Variants in DLG1 observed in about 807,000 individuals in gnomAD.
DLG1 encodes disks large homolog 1.
A neutral mutation model predicts 123.4 loss-of-function variants in DLG1; 42 were observed. The ratio of observed to expected loss-of-function variants is 0.34; its 90% CI spans 0.27 to 0.44. The LOEUF (loss-of-function observed/expected upper bound fraction) is 0.44. Ranked by LOEUF, DLG1 falls within the 20% of genes least tolerant of loss-of-function variation. The pLI is 1.00. For missense variants in DLG1, 942 were observed against 1,082.6 expected, an observed-to-expected ratio of 0.87 and a Z score of 1.82; for synonymous variants, 317 against 356.2, an observed-to-expected ratio of 0.89 and a Z score of 1.24.
At chr3:197,092,574 C>T (rs1167921697) in intron 14 of DLG1, among the ~76,000 whole-genome samples, 2 of 152,110 alleles carry the variant, frequency 1.3e-5, no homozygotes, top group Non-Finnish European at 2.9e-5. Context: ...AAGCATAGTT[C>T]ACTGCAGGCT....
chr3:197,127,318 G>C (rs1779622353), intron 11 of DLG1, among the ~76,000 whole-genome samples: 1 of 148,748 alleles, frequency 6.7e-6, no homozygotes, highest in South Asian at 2.1e-4. Context: ...TGCTACTAGG[G>C]GGGCTGAGGC....
chr3:197,120,523 A>G (rs1294497169), intron 11 of DLG1, among the ~76,000 whole-genome samples: 2 of 152,232 alleles, frequency 1.3e-5, no homozygotes, highest in Non-Finnish European at 2.9e-5. Flanking sequence ...GGCTTCAACT[A>G]TGATAAAGTT....
chr3:197,152,929 C>T (rs183806741), intron 5 of DLG1, among the ~76,000 whole-genome samples: 6 of 152,130 alleles, frequency 3.9e-5, no homozygotes, highest in East Asian at 1.9e-4. Context: ...TTTTAAAAAT[C>T]GTGTTAAAAT....
intron 4 of DLG1, among the ~76,000 whole-genome samples, chr3:197,242,666 C>T (rs1395973943): frequency 1.3e-5 from 2 of 151,836 alleles, no homozygotes; most frequent in South Asian, 2.1e-4. Context: ...GGAAATTAGA[C>T]AACATGCTCC....
intron 3 of DLG1, among the ~76,000 whole-genome samples, chr3:197,285,619 A>C (rs1771478823): frequency 6.6e-6 from 1 of 152,222 alleles, no homozygotes; most frequent in Non-Finnish European, 1.5e-5. Context: ...CAGACACTTC[A>C]CCAAAGACAG....
At chr3:197,262,624 TG>T (rs965909946) in intron 4 of DLG1, among the ~76,000 whole-genome samples, 1 of 152,114 alleles carries the variant, frequency 6.6e-6, no homozygotes, top group Non-Finnish European at 1.5e-5. Flanking sequence ...CCCCAACCTG[TG>T]GGATCTGACA....
chr3:197,048,327 C>A (rs559259416), intron 24 of DLG1, among the ~76,000 whole-genome samples: 1 of 152,034 alleles, frequency 6.6e-6, no homozygotes, highest in Admixed American at 6.6e-5. Context: ...AAAAATTAGC[C>A]GGGTGTGGTG....
chr3:197,099,885 T>A (rs565580143), intron 14 of DLG1, among the ~76,000 whole-genome samples: 1 of 152,130 alleles, frequency 6.6e-6, no homozygotes, highest in East Asian at 1.9e-4. Flanking sequence ...GTACAATAGC[T>A]CTCTGGCATA....
chr3:197,248,935 T>C (rs1170518804), intron 4 of DLG1, among the ~76,000 whole-genome samples: 1 of 152,116 alleles, frequency 6.6e-6, no homozygotes, highest in Admixed American at 6.5e-5. Context: ...TGAGGTATGA[T>C]CACTCCACTG....
At chr3:197,192,786 GTTT>G (rs1413347653) in intron 5 of DLG1, among the ~76,000 whole-genome samples, 1 of 152,064 alleles carries the variant, frequency 6.6e-6, no homozygotes, top group Admixed American at 6.5e-5. Flanking sequence ...CAAGATAATT[GTTT>G]TTTTAAGACG....
intron 19 of DLG1, among the ~76,000 whole-genome samples, chr3:197,067,632 A>T (rs1477258692): frequency 1.4e-5 from 2 of 138,148 alleles, no homozygotes; most frequent in African/African-American, 5.7e-5. Flanking sequence ...ATCTCAGCTC[A>T]CTGCAGCCTC....
At chr3:197,209,336 A>C (rs967969021) in intron 4 of DLG1, among the ~76,000 whole-genome samples, 1 of 146,910 alleles carries the variant, frequency 6.8e-6, no homozygotes, top group Non-Finnish European at 1.5e-5. Context: ...TTCACCAGGA[A>C]GTTATAAGAA....
intron 7 of DLG1, among the ~76,000 whole-genome samples, chr3:197,141,469 A>C (rs1787949363): frequency 6.6e-6 from 1 of 152,230 alleles, no homozygotes; most frequent in Admixed American, 6.5e-5. Context: ...TCCAGTAGCC[A>C]CCCAACTTGA....
At chr3:197,234,445 A>C (rs1402202433) in intron 4 of DLG1, among the ~76,000 whole-genome samples, 1 of 152,246 alleles carries the variant, frequency 6.6e-6, no homozygotes, top group South Asian at 2.1e-4. Context: ...TGGAGATCTT[A>C]CTTTTGAAAA....
chr3:197,179,260 G>C (rs1482097432), intron 5 of DLG1, among the ~76,000 whole-genome samples: 1 of 152,112 alleles, frequency 6.6e-6, no homozygotes, highest in Non-Finnish European at 1.5e-5. Flanking sequence ...GGGATGCTTA[G>C]GGGAGCTTGG....
Position 197,065,818 on chromosome 3 carries a change from A to T in DLG1, c.2099-9T>A. ...TGGTCGAGTATAATTAACTATAAAGATAAACTGCATGTTAAAAGGAATAAA... is the reference window on the plus strand; with the variant it reads ...TGGTCGAGTATAATTAACTATAAAGTTAAACTGCATGTTAAAAGGAATAAA... On this transcript the variant is annotated splice_polypyrimidine_tract_variant and intron_variant, in intron 20 of 24. Coordinates refer to ENST00000667157, the MANE Select transcript of DLG1 (RefSeq NM_001366207.1). 1 of 1,440,880 alleles carries T rather than the reference A, an allele frequency of 6.9e-7. No individual in the cohort carries two copies. 89.3% of individuals were successfully genotyped at this position (1,440,880 alleles called of 1,614,324 possible).
intron 5 of DLG1, among the ~76,000 whole-genome samples, chr3:197,179,979 A>G (rs1809251032): frequency 1.4e-5 from 2 of 144,862 alleles, no homozygotes; most frequent in Admixed American, 7.1e-5. Context: ...TTCTATTTCA[A>G]TTCTGACAAG....
At chr3:197,190,130 C>T (rs1718471769) in intron 5 of DLG1, among the ~76,000 whole-genome samples, 1 of 152,172 alleles carries the variant, frequency 6.6e-6, no homozygotes. Flanking sequence ...AGAAATGAAT[C>T]AGATTAAGAA....
intron 14 of DLG1, 32 bp from the exon 15 acceptor site, chr3:197,091,058 T>C (rs776453422): frequency 1.3e-5 from 18 of 1,423,254 alleles, no homozygotes; most frequent in Admixed American, 8.6e-5. Flanking sequence ...TAAATTGATA[T>C]ATTTTCAAAA....
Sources: allele counts gnomAD v4.1 joint callset (sites outside exome capture counted in the v4.1 genomes callset), GRCh38; gene constraint gnomAD v4.1.1; transcripts MANE v1.5; gene names NCBI Gene and HGNC (gene_info 2026-07-23, HGNC 2026-07-21).